Variants in PHACTR1 observed in about 807,000 individuals in gnomAD.
The protein encoded by PHACTR1 is RPEL repeat containing 1.
Under a neutral mutation model 69.2 loss-of-function variants are expected in PHACTR1, and 16 were observed. That is an observed-to-expected ratio of 0.23 (90% CI 0.16 to 0.35). PHACTR1 has a LOEUF of 0.35. PHACTR1 is among the 10% of genes least tolerant of loss of function. PHACTR1 has a pLI of 1.00. For synonymous variants in PHACTR1, 312 were observed against 284.5 expected, an observed-to-expected ratio of 1.10 and a Z score of -0.97; for missense variants, 510 against 734.7, an observed-to-expected ratio of 0.69 and a Z score of 3.54.
chr6:12,727,302 G>C (rs1762916955), intron 3 of PHACTR1, among the ~76,000 whole-genome samples: 1 of 152,226 alleles, frequency 6.6e-6, no homozygotes, highest in African/African-American at 2.4e-5. Flanking sequence ...CAGATACATA[G>C]ATGACCATTG....
chr6:13,017,209 T>G (rs5008710), intron 4 of PHACTR1, among the ~76,000 whole-genome samples: 21,952 of 133,202 alleles, frequency 0.16, 2,219 homozygotes, highest in South Asian at 0.26. Flanking sequence ...AAAAAAAAAA[T>G]GCATCAACAA....
intron 10 of PHACTR1, among the ~76,000 whole-genome samples, chr6:13,234,216 G>A (rs948008335): frequency 1.3e-5 from 2 of 152,268 alleles, no homozygotes; most frequent in East Asian, 1.9e-4. Context: ...GAGCTACTCT[G>A]GAGTAGAAGT....
intron 3 of PHACTR1, among the ~76,000 whole-genome samples, chr6:12,736,852 C>T (rs914959872): frequency 2.0e-5 from 3 of 152,044 alleles, no homozygotes; most frequent in African/African-American, 4.8e-5. Context: ...CTATTAATAA[C>T]GTTTTACTCC....
At chr6:12,906,181 G>T (rs574898006) in intron 4 of PHACTR1, among the ~76,000 whole-genome samples, 1 of 102,212 alleles carries the variant, frequency 9.8e-6, no homozygotes, top group East Asian at 1.1e-3. Flanking sequence ...CAGTTAGAAT[G>T]ACTTAAAAAT....
chr6:12,886,567 C>A (rs1302571797), intron 4 of PHACTR1, among the ~76,000 whole-genome samples: 1 of 152,060 alleles, frequency 6.6e-6, no homozygotes, highest in African/African-American at 2.4e-5. Flanking sequence ...GGACATGCAC[C>A]CAAAGGATTC....
At chr6:13,132,965 C>A (rs192135382) in intron 5 of PHACTR1, among the ~76,000 whole-genome samples, 1 of 152,204 alleles carries the variant, frequency 6.6e-6, no homozygotes, top group East Asian at 1.9e-4. Flanking sequence ...GCATTTTACC[C>A]ACAATAGAAC....
intron 11 of PHACTR1, 138 bp from the exon 12 acceptor site, chr6:13,278,130 C>A: frequency 4.1e-6 from 3 of 722,932 alleles, no homozygotes; most frequent in South Asian, 2.1e-5. Context: ...AGAAGGGCAG[C>A]TGGGGGAGGG....
At chr6:13,076,795 G>A (rs1262740206) in intron 5 of PHACTR1, among the ~76,000 whole-genome samples, 3 of 151,978 alleles carry the variant, frequency 2.0e-5, no homozygotes, top group South Asian at 2.1e-4. Context: ...AAGTCATAGC[G>A]TTAAGGAGAA....
At chr6:12,800,155 A>C (rs1773526851) in intron 4 of PHACTR1, among the ~76,000 whole-genome samples, 1 of 152,258 alleles carries the variant, frequency 6.6e-6, no homozygotes. Context: ...ATAAGCAAGA[A>C]GCAATGGCAA....
chr6:13,092,528 G>C (rs1813459229), intron 5 of PHACTR1, among the ~76,000 whole-genome samples: 1 of 152,122 alleles, frequency 6.6e-6, no homozygotes, highest in Admixed American at 6.6e-5. Flanking sequence ...ACAGCAGGTG[G>C]CTTTAGGATG....
chr6:12,905,106 T>C (rs1439734095), intron 4 of PHACTR1, among the ~76,000 whole-genome samples: 1 of 152,164 alleles, frequency 6.6e-6, no homozygotes, highest in African/African-American at 2.4e-5. Flanking sequence ...AAAATTATGA[T>C]GCCTGGTCCC....
chr6:12,729,383 G>A (rs75009070), intron 3 of PHACTR1, among the ~76,000 whole-genome samples: 2,010 of 152,256 alleles, frequency 0.013, 39 homozygotes, highest in South Asian at 0.068. Context: ...TGGCTTCAAG[G>A]TGAGATGACA....
At chr6:13,200,757 A>G (rs1479969245) in intron 7 of PHACTR1, among the ~76,000 whole-genome samples, 1 of 151,576 alleles carries the variant, frequency 6.6e-6, no homozygotes, top group Admixed American at 6.6e-5. Flanking sequence ...AACATGGTGA[A>G]ACCCCATCTC....
intron 4 of PHACTR1, among the ~76,000 whole-genome samples, chr6:13,014,467 G>A (rs1236576980): frequency 1.3e-5 from 2 of 152,214 alleles, no homozygotes; most frequent in Admixed American, 1.3e-4. Flanking sequence ...GCTGACTCCT[G>A]CTTTTTCCTT....
intron 5 of PHACTR1, among the ~76,000 whole-genome samples, chr6:13,080,057 T>A (rs1285405239): frequency 6.6e-6 from 1 of 152,100 alleles, no homozygotes; most frequent in Non-Finnish European, 1.5e-5. Context: ...GGCTCAAAAA[T>A]TCACCCATAC....
intron 4 of PHACTR1, among the ~76,000 whole-genome samples, chr6:12,893,190 A>C (rs544733218): frequency 6.6e-6 from 1 of 152,336 alleles, no homozygotes; most frequent in African/African-American, 2.4e-5. Flanking sequence ...TCTTACAGGC[A>C]TGAAAACCAG....
chr6:12,768,183 C>G lies in PHACTR1; in HGVS notation c.250+18393C>G, dbSNP rs1038683240. ...AGGCTGGAGTGCAGTGGCGCGATCT[C>G]GGCTCACTGCAAGCTCCGCCTCCGG... On this transcript the variant is annotated intron_variant, in intron 4 of 14. Coordinates refer to ENST00000332995, the MANE Select transcript of PHACTR1 (RefSeq NM_030948.6). Among the ~76,000 whole-genome samples the G allele has an allele frequency of 4.2e-5, 6 of 141,290 alleles. No individual in the cohort carries two copies. The East Asian group carries it at 1.3e-3, about 30-fold the overall frequency. 92.7% of individuals were successfully genotyped at this position (141,290 alleles called of 152,430 possible). A position where few individuals can be genotyped will look rare whatever the true frequency, so the allele number is the denominator to read the frequency against.
chr6:13,251,598 A>G (rs1203101431), intron 10 of PHACTR1, among the ~76,000 whole-genome samples: 5 of 152,064 alleles, frequency 3.3e-5, no homozygotes, highest in Non-Finnish European at 7.4e-5. Flanking sequence ...TAAAACAAAA[A>G]ACCATAAGGA....
At chr6:13,051,904 A>G (rs561834614) in intron 4 of PHACTR1, among the ~76,000 whole-genome samples, 1 of 152,294 alleles carries the variant, frequency 6.6e-6, no homozygotes, top group East Asian at 1.9e-4. Context: ...ATGATTGAAA[A>G]GAGGAGCTCC....
Sources: gnomAD v4.1 joint callset for allele counts (sites outside exome capture counted in the v4.1 genomes callset) on GRCh38, gnomAD v4.1.1 for gene constraint, MANE v1.5 for transcripts, NCBI Gene and HGNC (gene_info 2026-07-23, HGNC 2026-07-21) for gene names.